DLG2: variants seen among roughly 807,000 people sequenced by gnomAD.
The protein encoded by DLG2 is discs large MAGUK scaffold protein 2.
A neutral mutation model predicts 132.5 loss-of-function variants in DLG2; 45 were observed. That is an observed-to-expected ratio of 0.34 (90% CI 0.27 to 0.44). The LOEUF is 0.44. Ranked by LOEUF, DLG2 falls within the 20% of genes least tolerant of loss-of-function variation. The pLI, the probability that DLG2 is intolerant of heterozygous loss-of-function variation, is 1.00. For missense variants in DLG2, 1,045 were observed against 1,196.9 expected, an observed-to-expected ratio of 0.87 and a Z score of 1.87; for synonymous variants, 424 against 419.6, an observed-to-expected ratio of 1.01 and a Z score of -0.13.
intron 19 of DLG2, among the ~76,000 whole-genome samples, chr11:83,548,834 T>TCTG (rs1565749983): frequency 6.6e-6 from 1 of 152,168 alleles, no homozygotes; most frequent in African/African-American, 2.4e-5. Flanking sequence ...TGCAAATCAC[T>TCTG]CTGCTCTTTT....
chr11:85,342,414 CTGCATATTT>C (rs2082563113), intron 3 of DLG2, among the ~76,000 whole-genome samples: 1 of 152,144 alleles, frequency 6.6e-6, no homozygotes, highest in African/African-American at 2.4e-5. Context: ...TGTCTTCCAC[CTGCATATTT>C]TGCCCCACTG....
At chr11:84,662,681 G>A (rs1251538600) in intron 6 of DLG2, among the ~76,000 whole-genome samples, 2 of 151,528 alleles carry the variant, frequency 1.3e-5, no homozygotes, top group African/African-American at 2.4e-5. Flanking sequence ...CAGCTACTAG[G>A]GAGGCTGAGA....
At chr11:85,409,432 A>C (rs2089107270) in intron 3 of DLG2, among the ~76,000 whole-genome samples, 2 of 151,922 alleles carry the variant, frequency 1.3e-5, no homozygotes, top group African/African-American at 2.4e-5. Flanking sequence ...CATCAGGGTA[A>C]TGGTAAGCAT....
At chr11:83,986,055 T>A (rs923710974) in intron 11 of DLG2, among the ~76,000 whole-genome samples, 66 of 152,040 alleles carry the variant, frequency 4.3e-4, no homozygotes, top group African/African-American at 1.4e-3. Flanking sequence ...TAGATTTTTT[T>A]ATTTTATTTT....
intron 14 of DLG2, among the ~76,000 whole-genome samples, chr11:83,947,712 T>C (rs2084400444): frequency 1.3e-5 from 2 of 152,206 alleles, no homozygotes; most frequent in Admixed American, 6.5e-5. Context: ...TAGGCATGGA[T>C]GGGGAAACTG....
chr11:84,340,883 G>A (rs943643647), intron 7 of DLG2, among the ~76,000 whole-genome samples: 1 of 152,174 alleles, frequency 6.6e-6, no homozygotes, highest in Non-Finnish European at 1.5e-5. Context: ...AGAGAGATGG[G>A]AAATAGGGAA....
intron 11 of DLG2, among the ~76,000 whole-genome samples, chr11:84,038,709 A>G (rs1255381005): frequency 6.6e-6 from 1 of 152,090 alleles, no homozygotes; most frequent in Non-Finnish European, 1.5e-5. Context: ...CACACTACCA[A>G]TAAAGATATA....
At chr11:84,903,665 A>G (rs2091176620) in intron 6 of DLG2, among the ~76,000 whole-genome samples, 1 of 152,156 alleles carries the variant, frequency 6.6e-6, no homozygotes, top group Non-Finnish European at 1.5e-5. Context: ...AAGTTGCTGA[A>G]TATAGTTTCC....
At chr11:83,514,858 C>T (rs554988618) in intron 21 of DLG2, among the ~76,000 whole-genome samples, 1 of 152,310 alleles carries the variant, frequency 6.6e-6, no homozygotes, top group East Asian at 1.9e-4. Context: ...GTTGAACCAA[C>T]CTTGCATCCC....
Position 85,484,679 on chromosome 11 carries a change from T to A in DLG2, c.40+113978A>T, listed in dbSNP as rs981732305. ...ACCACCTCACGCCAGTTAGAATGGC[T>A]ATCATTAAAAAGTCAGGAAACAATA... is the stretch of plus-strand genomic sequence containing the variant. On this transcript the variant is annotated intron_variant, in intron 3 of 27. Coordinates refer to ENST00000376104, the MANE Select transcript of DLG2 (RefSeq NM_001142699.3). Among the ~76,000 whole-genome samples the A allele has an allele frequency of 7.2e-5, 11 of 152,034 alleles. No homozygotes were observed. The South Asian group carries it at 1.2e-3, about 17-fold the overall frequency.
At chr11:84,226,918 T>C (rs1160917984) in intron 8 of DLG2, among the ~76,000 whole-genome samples, 1 of 151,876 alleles carries the variant, frequency 6.6e-6, no homozygotes, top group Non-Finnish European at 1.5e-5. Flanking sequence ...AAACCCCGTC[T>C]CTACTGAAAA....
intron 21 of DLG2, among the ~76,000 whole-genome samples, chr11:83,499,896 T>A (rs1226022027): frequency 6.4e-5 from 7 of 110,056 alleles, no homozygotes; most frequent in East Asian, 2.6e-4. Flanking sequence ...TATATATATA[T>A]ATCAGTTCTG....
intron 9 of DLG2, among the ~76,000 whole-genome samples, chr11:84,102,668 G>C (rs1457638188): frequency 6.6e-6 from 1 of 152,086 alleles, no homozygotes; most frequent in Non-Finnish European, 1.5e-5. Flanking sequence ...TTATTGAAAG[G>C]TTAAACTGGA....
chr11:84,462,713 A>C (rs1208279939), intron 7 of DLG2, among the ~76,000 whole-genome samples: 3 of 151,144 alleles, frequency 2.0e-5, no homozygotes, highest in Admixed American at 6.6e-5. Context: ...ACAGGAAATG[A>C]CTACATCATC....
At chr11:85,411,129 T>G (rs1236955617) in intron 3 of DLG2, among the ~76,000 whole-genome samples, 1 of 151,170 alleles carries the variant, frequency 6.6e-6, no homozygotes, top group African/African-American at 2.4e-5. Flanking sequence ...AGCAGAAGTA[T>G]AAAGAGAACA....
intron 7 of DLG2, among the ~76,000 whole-genome samples, chr11:84,491,861 G>T (rs776383600): frequency 3.3e-5 from 5 of 152,056 alleles, no homozygotes; most frequent in Admixed American, 6.6e-5. Context: ...TTCCCTGGTG[G>T]TGTGGCCCGG....
At chr11:83,471,832 A>G in intron 23 of DLG2, 105 bp from the exon 24 acceptor site, 1 of 858,858 alleles carries the variant, frequency 1.2e-6, no homozygotes, top group Non-Finnish European at 1.9e-6. Context: ...AAGAGATGCT[A>G]AGGGCATTAC....
chr11:83,974,881 C>G (rs34436974), intron 12 of DLG2, among the ~76,000 whole-genome samples: 6 of 152,084 alleles, frequency 3.9e-5, no homozygotes, highest in Middle Eastern at 3.4e-3. Context: ...TTTCCTGTCA[C>G]TTACTACTTC....
At chr11:83,515,258 G>A (rs2095249341) in intron 21 of DLG2, among the ~76,000 whole-genome samples, 1 of 152,256 alleles carries the variant, frequency 6.6e-6, no homozygotes, top group East Asian at 1.9e-4. Context: ...AGTCTTGGGA[G>A]GGTGTATGTG....
Sources: gnomAD v4.1 joint callset for allele counts (sites outside exome capture counted in the v4.1 genomes callset) on GRCh38, gnomAD v4.1.1 for gene constraint, MANE v1.5 for transcripts, NCBI Gene and HGNC (gene_info 2026-07-23, HGNC 2026-07-21) for gene names.